Variants in EYS observed in about 807,000 individuals in gnomAD.
EYS encodes protein eyes shut homolog.
Under a neutral mutation model 282.1 loss-of-function variants are expected in EYS, and 250 were observed. That is an observed-to-expected ratio of 0.89 (90% CI 0.80 to 0.98). EYS has a LOEUF of 0.98. Among genes scored for constraint, EYS ranks in the 50% least tolerant of loss-of-function variants. The pLI, the probability that EYS is intolerant of heterozygous loss-of-function variation, is 0.00. For missense variants in EYS, 4,016 were observed against 3,709.0 expected (o/e 1.08, Z -2.15); for synonymous variants, 1,355 against 1,282.9 (o/e 1.06, Z -1.20).
At chr6:64,848,263 T>G (rs1295846209) in intron 19 of EYS, among the ~76,000 whole-genome samples, 1 of 151,974 alleles carries the variant, frequency 6.6e-6, no homozygotes, top group Non-Finnish European at 1.5e-5. Context: ...TTTTATTTTT[T>G]CAGTCTTTAA....
At chr6:64,854,485 C>T (rs543329396) in intron 19 of EYS, among the ~76,000 whole-genome samples, 1 of 150,686 alleles carries the variant, frequency 6.6e-6, no homozygotes, top group Non-Finnish European at 1.5e-5. Flanking sequence ...AGCAAACTAT[C>T]ACAAGGACAA....
At chr6:64,801,799 C>T (rs1764237837) in intron 22 of EYS, among the ~76,000 whole-genome samples, 1 of 152,000 alleles carries the variant, frequency 6.6e-6, no homozygotes, top group Admixed American at 6.5e-5. Context: ...AGCCAGGCTT[C>T]ATGAGGAGAA....
chr6:63,989,305 G>C (rs1440340573), intron 34 of EYS, among the ~76,000 whole-genome samples: 1 of 151,518 alleles, frequency 6.6e-6, no homozygotes, highest in Non-Finnish European at 1.5e-5. Context: ...TTGGAATAAA[G>C]GTGGATAAGA....
At chr6:64,633,667 C>A (rs2149863741) in intron 22 of EYS, among the ~76,000 whole-genome samples, 1 of 150,592 alleles carries the variant, frequency 6.6e-6, no homozygotes, top group Middle Eastern at 3.5e-3. Flanking sequence ...CCCCTTTTAA[C>A]CCCCATCATT....
chr6:64,159,852 G>T (rs61317320), intron 31 of EYS, among the ~76,000 whole-genome samples: 2 of 152,112 alleles, frequency 1.3e-5, no homozygotes, highest in East Asian at 1.9e-4. Context: ...CTGGTTAAAG[G>T]TTTGAAGTTC....
At chr6:65,015,358 A>G (rs1366876244) in intron 13 of EYS, among the ~76,000 whole-genome samples, 1 of 152,218 alleles carries the variant, frequency 6.6e-6, no homozygotes, top group Admixed American at 6.5e-5. Context: ...GGATGTGTTA[A>G]ATGAAGTTCA....
intron 5 of EYS, among the ~76,000 whole-genome samples, chr6:65,473,657 T>C (rs1217768279): frequency 6.6e-6 from 1 of 152,012 alleles, no homozygotes; most frequent in South Asian, 2.1e-4. Flanking sequence ...TAATTATCTT[T>C]TTTGTTTTTT....
At chr6:65,166,676 T>C (rs950177155) in intron 12 of EYS, among the ~76,000 whole-genome samples, 4 of 151,144 alleles carry the variant, frequency 2.6e-5, no homozygotes, top group African/African-American at 9.7e-5. Flanking sequence ...GTTTTTTACA[T>C]ATAACAAAAT....
intron 12 of EYS, among the ~76,000 whole-genome samples, chr6:65,107,719 G>C (rs1325266611): frequency 6.6e-6 from 1 of 151,058 alleles, no homozygotes; most frequent in African/African-American, 2.4e-5. Context: ...TCAATATTCT[G>C]ACAATTTCTG....
chr6:65,071,993 TATAAG>T (rs1302410942), intron 12 of EYS, among the ~76,000 whole-genome samples: 2 of 151,832 alleles, frequency 1.3e-5, no homozygotes, highest in Non-Finnish European at 2.9e-5. Flanking sequence ...GCCTCCAGAC[TATAAG>T]ATAATAAATT....
chr6:65,685,551 G>T (rs769458572), intron 1 of EYS, among the ~76,000 whole-genome samples: 2 of 152,024 alleles, frequency 1.3e-5, no homozygotes, highest in Non-Finnish European at 2.9e-5. Flanking sequence ...CTGGAGAAAA[G>T]TAAAGTATTT....
intron 19 of EYS, among the ~76,000 whole-genome samples, chr6:64,874,540 A>C (rs1363333299): frequency 1.3e-5 from 2 of 152,006 alleles, no homozygotes; most frequent in East Asian, 3.9e-4. Context: ...CTGAAATCAG[A>C]ACTTAAGATG....
intron 22 of EYS, among the ~76,000 whole-genome samples, chr6:64,690,564 A>C (rs1025545309): frequency 3.3e-5 from 5 of 152,176 alleles, no homozygotes; most frequent in African/African-American, 1.2e-4. Context: ...GATAGCAAAG[A>C]CTTGGAATCA....
chr6:64,128,170 C>T (rs967122334), intron 31 of EYS, among the ~76,000 whole-genome samples: 10 of 152,098 alleles, frequency 6.6e-5, no homozygotes, highest in African/African-American at 1.9e-4. Context: ...CATTGCTACA[C>T]GTTTTTACCT....
intron 14 of EYS, among the ~76,000 whole-genome samples, chr6:64,990,054 C>G (rs1771012407): frequency 6.6e-6 from 1 of 151,376 alleles, no homozygotes; most frequent in African/African-American, 2.4e-5. Flanking sequence ...ACTCCCAAAT[C>G]CTAAATTTCC....
chr6:64,415,766 C>T (rs1292922646), intron 28 of EYS, among the ~76,000 whole-genome samples: 1 of 152,128 alleles, frequency 6.6e-6, no homozygotes, highest in Non-Finnish European at 1.5e-5. Context: ...AGGCATAAAG[C>T]TAGATGTTTT....
chr6:64,634,720 C>A (rs191356698), intron 22 of EYS, among the ~76,000 whole-genome samples: 1 of 152,220 alleles, frequency 6.6e-6, no homozygotes, highest in East Asian at 1.9e-4. Flanking sequence ...CAAAAAACAT[C>A]TAAGAAAAAA....
At chr6:64,502,307 C>G (rs1777076717) in intron 26 of EYS, among the ~76,000 whole-genome samples, 1 of 152,066 alleles carries the variant, frequency 6.6e-6, no homozygotes, top group Non-Finnish European at 1.5e-5. Context: ...GTGGCGCGAT[C>G]TCGACTCACT....
intron 12 of EYS, among the ~76,000 whole-genome samples, chr6:65,241,935 T>C (rs954219130): frequency 1.1e-4 from 16 of 152,070 alleles, no homozygotes; most frequent in African/African-American, 3.9e-4. Context: ...ATGTATTATA[T>C]ATACAATTTA....
Sources: gnomAD v4.1 joint callset for allele counts (sites outside exome capture counted in the v4.1 genomes callset) on GRCh38, gnomAD v4.1.1 for gene constraint, MANE v1.5 for transcripts, NCBI Gene and HGNC (gene_info 2026-07-23, HGNC 2026-07-21) for gene names.